SYTL2: variants seen among roughly 807,000 people sequenced by gnomAD.
The protein encoded by SYTL2 is synaptotagmin-like protein 2.
In SYTL2, 165 loss-of-function variants were observed where a neutral mutation model predicts 198.7. The observed-to-expected ratio is 0.83, with a 90% CI of 0.73 to 0.94. SYTL2 has a LOEUF of 0.94. Among genes scored for constraint, SYTL2 ranks in the 40% least tolerant of loss-of-function variants. The probability of loss-of-function intolerance (pLI) is 0.00; values close to 1 mark genes in which losing one functional copy is unlikely to be tolerated. For synonymous variants in SYTL2, 966 were observed against 917.7 expected (o/e 1.05, Z -0.95); for missense variants, 2,835 against 2,582.8 (o/e 1.10, Z -2.12).
At chr11:85,788,966 CAT>C (rs1566025194) in intron 1 of SYTL2, among the ~76,000 whole-genome samples, 1 of 151,248 alleles carries the variant, frequency 6.6e-6, no homozygotes, top group Admixed American at 6.6e-5. Context: ...TCATTCCACA[CAT>C]GTTCCCTATA....
intron 15 of SYTL2, among the ~76,000 whole-genome samples, chr11:85,707,103 G>T (rs1287085735): frequency 6.6e-6 from 1 of 152,128 alleles, no homozygotes; most frequent in Non-Finnish European, 1.5e-5. Context: ...GCCTCCCAAA[G>T]TTGCTGGGAT....
chr11:85,748,825 GTTTC>G (rs1267424280), intron 2 of SYTL2, among the ~76,000 whole-genome samples: 2 of 152,172 alleles, frequency 1.3e-5, no homozygotes, highest in Non-Finnish European at 2.9e-5. Flanking sequence ...TAAAATTGGG[GTTTC>G]TTTGAGGTTT....
At chr11:85,771,184 A>C (rs1331998625) in intron 1 of SYTL2, among the ~76,000 whole-genome samples, 1 of 152,214 alleles carries the variant, frequency 6.6e-6, no homozygotes, top group Non-Finnish European at 1.5e-5. Context: ...AATAGTTACC[A>C]AAGTGTTGAG....
At chr11:85,708,418 A>G (rs2085599981) in intron 14 of SYTL2, among the ~76,000 whole-genome samples, 1 of 152,190 alleles carries the variant, frequency 6.6e-6, no homozygotes. Flanking sequence ...AAAATAATTA[A>G]GAATCAGACT....
At chr11:85,755,878 T>TAC (rs1174403805) in intron 2 of SYTL2, among the ~76,000 whole-genome samples, 1 of 152,070 alleles carries the variant, frequency 6.6e-6, no homozygotes, top group Non-Finnish European at 1.5e-5. Flanking sequence ...GAATCAAAGG[T>TAC]ACTTGCACCT....
intron 1 of SYTL2, among the ~76,000 whole-genome samples, chr11:85,788,732 A>G (rs183691909): frequency 6.6e-6 from 1 of 152,038 alleles, no homozygotes; most frequent in East Asian, 1.9e-4. Flanking sequence ...CTAGGATGAG[A>G]TTTTTGACAA....
At chr11:85,704,698 T>C (rs2084849966) in intron 16 of SYTL2, among the ~76,000 whole-genome samples, 160 bp downstream of exon 16, 1 of 152,214 alleles carries the variant, frequency 6.6e-6, no homozygotes, top group Non-Finnish European at 1.5e-5. Flanking sequence ...GATTTAAACA[T>C]GTTCCCAATA....
intron 12 of SYTL2, among the ~76,000 whole-genome samples, chr11:85,713,619 T>C (rs142714274): frequency 2.3e-3 from 346 of 152,310 alleles, no homozygotes; most frequent in African/African-American, 7.5e-3. Context: ...CAGTAGCTAT[T>C]GGATTTGGGG....
intron 17 of SYTL2, 36 bp downstream of exon 17, chr11:85,700,479 A>C (rs2084117362): frequency 6.6e-7 from 1 of 1,519,164 alleles, no homozygotes; most frequent in African/African-American, 1.4e-5. Flanking sequence ...AGGGATAAGG[A>C]AAGGACATAA....
In SYTL2 at chr11:85,736,466, G is replaced by T. The variant is rs751292425; in HGVS notation, c.586+35C>A. The stretch of plus-strand genomic sequence containing the variant: ...TTTCCCTTAGTCCACAGATAACAAA[G>T]ATAAAAAAATCAAGTTCATAAAAAT... On this transcript the variant is annotated intron_variant, in intron 6 of 19. Coordinates refer to ENST00000359152, the MANE Select transcript of SYTL2 (RefSeq NM_206927.4). The T allele has an allele frequency of 6.1e-6, 7 of 1,139,024 alleles. No individual in the cohort carries two copies. In the East Asian group the frequency reaches 1.7e-4, roughly 28 times the overall value. 70.6% of individuals were successfully genotyped at this position (1,139,024 alleles called of 1,614,324 possible).
intron 17 of SYTL2, among the ~76,000 whole-genome samples, chr11:85,699,555 C>T (rs2083926572): frequency 6.6e-6 from 1 of 151,942 alleles, no homozygotes; most frequent in Non-Finnish European, 1.5e-5. Flanking sequence ...TACTTGCCCT[C>T]TAATTCTTTC....
intron 1 of SYTL2, among the ~76,000 whole-genome samples, chr11:85,760,517 G>A (rs1010776101): frequency 3.3e-5 from 5 of 152,032 alleles, no homozygotes; most frequent in East Asian, 3.9e-4. Context: ...TTTCTTTCAC[G>A]TGCAGTAACT....
chr11:85,713,861 C>T (rs1242657625), intron 12 of SYTL2, among the ~76,000 whole-genome samples: 1 of 152,168 alleles, frequency 6.6e-6, no homozygotes, highest in Non-Finnish European at 1.5e-5. Flanking sequence ...CCTGGTTGAA[C>T]CCCCTTCTAG....
chr11:85,704,890 TA>T lies in SYTL2; in HGVS notation c.6156del (p.Asn2052LysfsTer4). On this transcript the variant is annotated frameshift_variant, in exon 16 of 20. Transcript: ENST00000359152. LOFTEE classifies it high-confidence loss of function. The stretch of plus-strand genomic sequence containing the variant: ...TTCAGAGGGTACCATCTCAATTGTT[TA>T]TTCTGTTTGTTATCCCAGTCCCATG... ...LETWDWDNKQ[N>X]KQLRWYPLKR... The T allele has an allele frequency of 6.2e-7, 1 of 1,613,824 alleles. No individual in the cohort carries two copies. Among genetic ancestry groups the T allele is most frequent in the Non-Finnish European group, 8.5e-7 (1 of 1,179,778 alleles).
intron 1 of SYTL2, among the ~76,000 whole-genome samples, chr11:85,791,098 C>A (rs1304829677): frequency 8.0e-6 from 1 of 125,440 alleles, no homozygotes; most frequent in African/African-American, 3.0e-5. Flanking sequence ...ACCCCAGAGA[C>A]GGAGGTTGCA....
chr11:85,764,691 G>T (rs2092192285), intron 1 of SYTL2, among the ~76,000 whole-genome samples: 1 of 152,156 alleles, frequency 6.6e-6, no homozygotes, highest in African/African-American at 2.4e-5. Flanking sequence ...GCTCTTCTAA[G>T]GACAACTTGT....
intron 2 of SYTL2, among the ~76,000 whole-genome samples, chr11:85,755,645 A>G (rs951661283): frequency 6.6e-6 from 1 of 152,148 alleles, no homozygotes; most frequent in Non-Finnish European, 1.5e-5. Context: ...AGAACTTTGC[A>G]TTTTTTGAGG....
intron 8 of SYTL2, among the ~76,000 whole-genome samples, chr11:85,721,246 T>C (rs1833262591): frequency 6.6e-6 from 1 of 152,218 alleles, no homozygotes; most frequent in Non-Finnish European, 1.5e-5. Flanking sequence ...TTTAGACATA[T>C]GATTTGTCCT....
the SYTL2 span, among the ~76,000 whole-genome samples, chr11:85,851,193 A>G: frequency 6.6e-6 from 1 of 152,194 alleles, no homozygotes; most frequent in African/African-American, 2.4e-5. Context: ...AAAAGAGAAT[A>G]TTTTAGTTCA....
Sources: gnomAD v4.1 joint callset for allele counts (sites outside exome capture counted in the v4.1 genomes callset) on GRCh38, gnomAD v4.1.1 for gene constraint, MANE v1.5 for transcripts, NCBI Gene and HGNC (gene_info 2026-07-23, HGNC 2026-07-21) for gene names.